MYO5A: variants seen among roughly 807,000 people sequenced by gnomAD.
MYO5A encodes the protein unconventional myosin-Va.
MYO5A carries 98 observed loss-of-function variants against 249.7 expected under a neutral mutation model. The ratio of observed to expected loss-of-function variants is 0.39; its 90% CI spans 0.33 to 0.46. The LOEUF (loss-of-function observed/expected upper bound fraction) is 0.46, where lower values mean the gene tolerates loss of function less well. Ranked by LOEUF, MYO5A falls within the 20% of genes least tolerant of loss-of-function variation. The pLI is 0.98. For synonymous variants in MYO5A, 778 were observed against 810.6 expected, an observed-to-expected ratio of 0.96 and a Z score of 0.68; for missense variants, 1,696 against 2,308.8, an observed-to-expected ratio of 0.73 and a Z score of 5.44.
intron 1 of MYO5A, among the ~76,000 whole-genome samples, chr15:52,439,157 C>A (rs2141330975): frequency 6.6e-6 from 1 of 152,358 alleles, no homozygotes; most frequent in East Asian, 1.9e-4. Flanking sequence ...GGCCAAGAAC[C>A]CCAGGTCAGA....
At chr15:52,412,349 G>A (rs865955292) in intron 5 of MYO5A, among the ~76,000 whole-genome samples, 9 of 152,036 alleles carry the variant, frequency 5.9e-5, no homozygotes, top group Middle Eastern at 3.2e-3. Context: ...GAAGAGGCAG[G>A]GATTGGCTAG....
chr15:52,329,905 A>ATTGTTTTTTTT (rs2038796912), intron 35 of MYO5A, among the ~76,000 whole-genome samples: 1 of 119,750 alleles, frequency 8.4e-6, no homozygotes, highest in African/African-American at 4.0e-5. Flanking sequence ...CGCCTGGGTA[A>ATTGTTTTTTTT]TTTTTTTTTT....
chr15:52,394,732 T>C (rs749687524), intron 11 of MYO5A, among the ~76,000 whole-genome samples: 1 of 152,188 alleles, frequency 6.6e-6, no homozygotes, highest in Non-Finnish European at 1.5e-5. Context: ...GAGGCTGGCA[T>C]TGCTTCCTTA....
At chr15:52,492,800 A>C (rs528753363) in intron 1 of MYO5A, among the ~76,000 whole-genome samples, 32 of 152,240 alleles carry the variant, frequency 2.1e-4, no homozygotes, top group Admixed American at 2.1e-3. Context: ...TATAGCTGAC[A>C]TAAGATTGGC....
At position 52,444,108 on chromosome 15, in the gene MYO5A, A is replaced by C. The variant is rs910687186; in HGVS notation, c.28-10823T>G. Among the ~76,000 whole-genome samples, 3 of 152,222 alleles carry C rather than the reference A, an allele frequency of 2.0e-5. No individual in the cohort carries two copies. The East Asian group carries it at 5.8e-4, about 29-fold the overall frequency. On this transcript the variant is annotated intron_variant, in intron 1 of 41. Transcript: ENST00000399233. ...ATGCTTTGTCACCATTAAGTAGCAA[A>C]AATTAAATATTCTTATTTTTCTAAA...
intron 1 of MYO5A, among the ~76,000 whole-genome samples, chr15:52,468,486 C>T (rs1183635696): frequency 6.6e-6 from 1 of 151,678 alleles, no homozygotes; most frequent in Non-Finnish European, 1.5e-5. Flanking sequence ...GGTGAGACCC[C>T]GTCTCTACAA....
At chr15:52,468,141 G>C (rs1228869402) in intron 1 of MYO5A, among the ~76,000 whole-genome samples, 1 of 152,120 alleles carries the variant, frequency 6.6e-6, no homozygotes, top group Non-Finnish European at 1.5e-5. Flanking sequence ...CTTGAGCCTA[G>C]GAGTTGGAGA....
At chr15:52,496,910 CCAGT>C (rs2077048685) in intron 1 of MYO5A, among the ~76,000 whole-genome samples, 1 of 152,192 alleles carries the variant, frequency 6.6e-6, no homozygotes, top group Admixed American at 6.5e-5. Context: ...TGTGCAACAA[CCAGT>C]CAGTCACCGA....
At chr15:52,448,720 G>A (rs752439564) in intron 1 of MYO5A, among the ~76,000 whole-genome samples, 75 of 151,950 alleles carry the variant, frequency 4.9e-4, no homozygotes, top group Admixed American at 6.6e-4. Context: ...TTGTGATAGC[G>A]AATTATACCA....
intron 1 of MYO5A, among the ~76,000 whole-genome samples, chr15:52,463,206 A>G (rs766269510): frequency 6.6e-6 from 1 of 152,220 alleles, no homozygotes; most frequent in Non-Finnish European, 1.5e-5. Flanking sequence ...CTCTAAAAGA[A>G]CTTGTGCCTC....
rs373560629 is a variant in MYO5A, at chr15:52,383,153, G to A, written c.1950C>T (p.Leu650=). The change falls in exon 16 of 42, where the codon CTC becomes CTT. Residue 650 remains leucine, a synonymous_variant. Coordinates refer to ENST00000399233, the MANE Select transcript of MYO5A (RefSeq NM_001382347.1). ...GCACATAGTGAGGGGTAGTGGCATT[G>A]AGTGTCTCCATAAGCAGGTGCAGGG... The part of the protein sequence containing the change: ...RNSLHLLMET[L]NATTPHYVRC... 39 of 1,613,916 alleles carry A rather than the reference G, an allele frequency of 2.4e-5. No individual in the cohort carries two copies. The African/African-American group carries it at 5.1e-4, about 21-fold the overall frequency.
Position 52,319,892 on chromosome 15 carries a change from G to A in MYO5A, c.4952-550C>T, listed in dbSNP as rs549165589. ...TGGTGTCTTTTCTAAAATAAGAAGC[G>A]TTAAGAAGCAGTAGCCTTGTGATAG... On this transcript the variant is annotated intron_variant, in intron 38 of 41. Transcript: ENST00000399233. 6.6e-5 allele frequency among the ~76,000 whole-genome samples: 10 copies of A among 152,286 alleles called. No homozygotes were observed. In the East Asian group the frequency reaches 1.5e-3, roughly 23 times the overall value.
rs955246426 is a variant in MYO5A at position 52,487,677 on chromosome 15, T to G, written c.27+41103A>C. On this transcript the variant is annotated intron_variant, in intron 1 of 41. Coordinates refer to ENST00000399233, the MANE Select transcript of MYO5A (RefSeq NM_001382347.1). The stretch of plus-strand genomic sequence containing the variant: ...AGGCAGGGGTTGCAGTGAGCCAAGA[T>G]CATGCCACTGCACTCCAGCCTAGAT... Among the ~76,000 whole-genome samples, 11 of 146,382 alleles carry G rather than the reference T, an allele frequency of 7.5e-5. No homozygotes were observed. The East Asian group carries it at 2.2e-3, about 29-fold the overall frequency.
intron 25 of MYO5A, among the ~76,000 whole-genome samples, chr15:52,357,807 C>A (rs2040321193): frequency 6.6e-6 from 1 of 152,114 alleles, no homozygotes; most frequent in African/African-American, 2.4e-5. Flanking sequence ...TCGCTTTTTG[C>A]CTTAGTAAGG....
At chr15:52,427,656 A>C (rs1388298623) in intron 3 of MYO5A, among the ~76,000 whole-genome samples, 1 of 152,236 alleles carries the variant, frequency 6.6e-6, no homozygotes, top group East Asian at 1.9e-4. Flanking sequence ...AGAGTAATGA[A>C]GAAATCATGA....
chr15:52,351,215 G>C, intron 28 of MYO5A, 39 bp downstream of exon 28: 3 of 1,531,464 alleles, frequency 2.0e-6, no homozygotes, highest in Non-Finnish European at 2.7e-6. Context: ...ATTGAGGCCA[G>C]TCCCCGAACA....
chr15:52,461,006 C>A (rs2076237491), intron 1 of MYO5A, among the ~76,000 whole-genome samples: 1 of 152,132 alleles, frequency 6.6e-6, no homozygotes, highest in African/African-American at 2.4e-5. Flanking sequence ...GGCTGGAGTG[C>A]AGGGGCACAA....
At chr15:52,322,353 C>T (rs968579082) in intron 37 of MYO5A, among the ~76,000 whole-genome samples, 2 of 152,214 alleles carry the variant, frequency 1.3e-5, no homozygotes, top group Non-Finnish European at 2.9e-5. Context: ...CAGGAAGTGC[C>T]GCTGGGCACC....
Position 52,416,173 on chromosome 15 carries a change from T to C in MYO5A, c.584A>G (p.Lys195Arg), listed in dbSNP as rs201017976. The change falls in exon 5 of 42, where the codon AAG becomes AGG. Residue 195 changes from lysine (K) to arginine (R), a missense_variant. Lys to Arg is a conservative substitution (Grantham distance 26, BLOSUM62 2). Transcript: ENST00000399233. ...CATGATGGGGTTGGAGGCCAAGACC[T>C]TTTCCTCCACATTGGCCTCACTGGC... ...GSASEANVEEKVLASNPIMES... is the reference protein window; with the variant it reads ...GSASEANVEERVLASNPIMES... 29 of 1,613,870 alleles carry C rather than the reference T, an allele frequency of 1.8e-5. No homozygotes were observed. Among genetic ancestry groups the C allele is most frequent in the Admixed American group, 5.0e-5 (3 of 59,998 alleles).
Sources: gnomAD v4.1 joint callset for allele counts (sites outside exome capture counted in the v4.1 genomes callset) on GRCh38, gnomAD v4.1.1 for gene constraint, MANE v1.5 for transcripts, NCBI Gene and HGNC (gene_info 2026-07-23, HGNC 2026-07-21) for gene names.